Variants in USP40 observed in about 807,000 individuals in gnomAD.
USP40 encodes the protein ubiquitin carboxyl-terminal hydrolase 40.
USP40 carries 143 observed loss-of-function variants against 166.2 expected under a neutral mutation model. The observed-to-expected ratio is 0.86, with a 90% confidence interval of 0.75 to 0.99. The LOEUF (loss-of-function observed/expected upper bound fraction) is 0.99. Ranked by LOEUF, USP40 falls within the 50% of genes least tolerant of loss-of-function variation. The probability of loss-of-function intolerance (pLI) is 0.00; values close to 1 mark genes in which losing one functional copy is unlikely to be tolerated. For missense variants in USP40, 1,444 were observed against 1,479.7 expected, an observed-to-expected ratio of 0.98 and a Z score of 0.40; for synonymous variants, 498 against 524.0, an observed-to-expected ratio of 0.95 and a Z score of 0.68.
chr2:233,496,977 A>G, intron 23 of USP40, 145 bp from the exon 24 acceptor site: 2 of 601,126 alleles, frequency 3.3e-6, no homozygotes, highest in Non-Finnish European at 5.7e-6. Flanking sequence ...AAATAAGCTA[A>G]GACTATAAAA....
intron 31 of USP40, among the ~76,000 whole-genome samples, chr2:233,479,600 CTATG>C (rs1016624323): frequency 2.7e-5 from 4 of 150,642 alleles, no homozygotes; most frequent in Non-Finnish European, 5.9e-5. Flanking sequence ...ATTTTAGTGT[CTATG>C]TATTAGACAC....
intron 23 of USP40, among the ~76,000 whole-genome samples, chr2:233,497,990 G>C (rs1472233578): frequency 1.3e-5 from 2 of 152,138 alleles, no homozygotes; most frequent in Admixed American, 6.6e-5. Flanking sequence ...CTTTATTTTG[G>C]GTCTTCTTCT....
intron 15 of USP40, 51 bp downstream of exon 15, chr2:233,524,441 T>C: frequency 6.4e-7 from 1 of 1,550,816 alleles, no homozygotes. Context: ...TTACGATGAC[T>C]TTTAAAACAT....
At chr2:233,477,535 T>C in intron 31 of USP40, 32 bp from the exon 32 acceptor site, 2 of 1,579,084 alleles carry the variant, frequency 1.3e-6, no homozygotes, top group Non-Finnish European at 1.7e-6. Context: ...CATTGACTCA[T>C]GGATGCAGTG....
chr2:233,490,567 T>C (rs1396309055), intron 26 of USP40, among the ~76,000 whole-genome samples: 1 of 152,206 alleles, frequency 6.6e-6, no homozygotes, highest in Non-Finnish European at 1.5e-5. Context: ...GCCCCACATT[T>C]TCTCCTCTAA....
intron 5 of USP40, among the ~76,000 whole-genome samples, chr2:233,555,043 A>T (rs2070935937): frequency 6.6e-6 from 1 of 152,190 alleles, no homozygotes; most frequent in African/African-American, 2.4e-5. Flanking sequence ...TACAAAAAAA[A>T]TTAGCTGGGT....
rs539711476 is a variant in USP40, at chr2:233,512,514, T to A, written c.2437+55A>T. On this transcript the variant is annotated intron_variant, in intron 19 of 31. Coordinates refer to ENST00000678225, the MANE Select transcript of USP40 (RefSeq NM_001365479.2). ...ATTAGGTATTGGAGGCCACTATTTA[T>A]CAAGAAAGACAGACGAGTATAAGCC... 27 of 1,282,426 alleles carry A rather than the reference T, an allele frequency of 2.1e-5. No homozygotes were observed. The African/African-American group carries it at 3.7e-4, about 18-fold the overall frequency. 79.4% of individuals were successfully genotyped at this position (1,282,426 alleles called of 1,614,324 possible).
intron 22 of USP40, 44 bp downstream of exon 22, chr2:233,499,835 T>G: frequency 6.4e-7 from 1 of 1,574,234 alleles, no homozygotes; most frequent in South Asian, 1.2e-5. Context: ...AAAAAAATTT[T>G]TATTAGGCTT....
At chr2:233,517,543 C>T (rs1559245107) in intron 18 of USP40, among the ~76,000 whole-genome samples, 1 of 152,094 alleles carries the variant, frequency 6.6e-6, no homozygotes, top group Non-Finnish European at 1.5e-5. Context: ...CACCACCACG[C>T]CTGGCTAATT....
intron 20 of USP40, 93 bp downstream of exon 20, chr2:233,511,615 AG>A: frequency 1.1e-6 from 1 of 909,856 alleles, no homozygotes; most frequent in South Asian, 2.0e-5. Flanking sequence ...AAACTTTTAG[AG>A]AAAAACAATA....
chr2:233,515,426 C>T (rs558921862), intron 18 of USP40, among the ~76,000 whole-genome samples: 2 of 152,264 alleles, frequency 1.3e-5, no homozygotes, highest in South Asian at 2.1e-4. Flanking sequence ...ACTGGGTGCA[C>T]AGTAGGGTGT....
intron 18 of USP40, 54 bp from the exon 19 acceptor site, chr2:233,512,676 C>A: frequency 1.3e-6 from 1 of 777,084 alleles, no homozygotes; most frequent in South Asian, 2.7e-5. Context: ...TAATAACCTT[C>A]ATCCTATTAT....
In USP40 at chr2:233,488,240, C is replaced by T. The variant is rs370505341; in HGVS notation, c.3196G>A (p.Gly1066Ser). 6.2e-7 allele frequency: 1 copy of T among 1,602,154 alleles called. No homozygotes were observed. The highest frequency in any genetic ancestry group is 1.1e-5 in the South Asian group (1 of 88,310). Residue 1066 changes from glycine (G) to serine (S), a missense_variant and splice_region_variant, in exon 28 of 32, where the codon GGC (glycine) becomes AGC (serine). Transcript: ENST00000678225. Reference sequence around the variant, plus strand: ...CAGATGCACAGGAGAATTTCTTACCCCAAGTTTTCGCCTTTCTGAAGGGGC... The same window carrying T: ...CAGATGCACAGGAGAATTTCTTACCTCAAGTTTTCGCCTTTCTGAAGGGGC... ...LEPLQKGENL[G>S]PQDVLLRTQV...
Position 233,519,635 on chromosome 2 carries a change from A to G in USP40, c.2362T>C (p.Leu788=). The G allele has an allele frequency of 1.4e-6, 2 of 1,434,132 alleles. No individual in the cohort carries two copies. Among genetic ancestry groups the G allele is most frequent in the Admixed American group, 2.0e-5 (1 of 49,400 alleles). The allele number at this position is 1,434,132 out of a possible 1,614,324, so 88.8% of individuals were successfully genotyped here. A position where few individuals can be genotyped will look rare whatever the true frequency, so the allele number is the denominator to read the frequency against. The change falls in exon 18 of 32, where the codon TTA becomes CTA. Residue 788 remains leucine (L), a synonymous_variant. Coordinates refer to ENST00000678225, the MANE Select transcript of USP40 (RefSeq NM_001365479.2). ...TTACCTAGTTCCTTCATTAATTTTA[A>G]TTCCTTTATGGCTTTAATTCGAATA... The part of the protein sequence containing the change: ...FDIRIKAIKE[L]KLMKELADNS...
At chr2:233,539,518 A>T (rs1559268129) in intron 10 of USP40, among the ~76,000 whole-genome samples, 1 of 152,202 alleles carries the variant, frequency 6.6e-6, no homozygotes, top group Non-Finnish European at 1.5e-5. Context: ...ACCTCCAAAG[A>T]ACTCAAGAGC....
At position 233,492,504 on chromosome 2, in the gene USP40, C is replaced by G. The variant is rs536089455; in HGVS notation, c.2917+921G>C. Among the ~76,000 whole-genome samples, 10 of 152,312 alleles carry G rather than the reference C, an allele frequency of 6.6e-5. No homozygotes were observed. In the South Asian group the frequency reaches 2.1e-3, roughly 32 times the overall value. ...ATGCTTTTACAATCTATATCCAATT[C>G]TATATGTAACTAGAATTCTATCACC... On this transcript the variant is annotated intron_variant, in intron 25 of 31. Coordinates refer to ENST00000678225, the MANE Select transcript of USP40 (RefSeq NM_001365479.2).
At chr2:233,501,035 T>C (rs1049450905) in intron 21 of USP40, among the ~76,000 whole-genome samples, 4 of 152,136 alleles carry the variant, frequency 2.6e-5, no homozygotes, top group African/African-American at 7.2e-5. Context: ...TGACAAAAAA[T>C]AAGGCTTTAA....
intron 11 of USP40, among the ~76,000 whole-genome samples, chr2:233,532,150 A>C (rs1369220020): frequency 6.6e-6 from 1 of 152,152 alleles, no homozygotes; most frequent in African/African-American, 2.4e-5. Flanking sequence ...AACAAATAAG[A>C]CTGAGCAACA....
chr2:233,558,279 A>T lies in USP40; in HGVS notation c.382-1260T>A, dbSNP rs1285518905. On this transcript the variant is annotated intron_variant, in intron 4 of 31. Transcript: ENST00000678225. ...GCAAGATCTTATTTAGACAAAAAAC[A>T]AAAAAAATTTTCACAGCATTAAGAA... Among the ~76,000 whole-genome samples, 5 of 152,016 alleles carry T rather than the reference A, an allele frequency of 3.3e-5. No homozygotes were observed. In the East Asian group the frequency reaches 7.7e-4, roughly 23 times the overall value.
Sources: gnomAD v4.1 joint callset for allele counts (sites outside exome capture counted in the v4.1 genomes callset) on GRCh38, gnomAD v4.1.1 for gene constraint, MANE v1.5 for transcripts, NCBI Gene and HGNC (gene_info 2026-07-23, HGNC 2026-07-21) for gene names.